The following HENMT1 variants were observed in gnomAD, a reference collection of about 807,000 sequenced individuals.
HENMT1 encodes small RNA 2'-O-methyltransferase.
Under a neutral mutation model 31.1 loss-of-function variants are expected in HENMT1, and 27 were observed. That is an observed-to-expected ratio of 0.87 (90% CI 0.64 to 1.20). The LOEUF is 1.20. Among genes scored for constraint, HENMT1 ranks in the 50% most tolerant of loss-of-function variants. HENMT1 has a pLI of 0.00. For synonymous variants in HENMT1, 167 were observed against 172.2 expected (o/e 0.97, Z 0.24); for missense variants, 438 against 469.6 (o/e 0.93, Z 0.62).
intron 5 of HENMT1, among the ~76,000 whole-genome samples, chr1:108,652,779 C>T (rs1005536172): frequency 6.6e-6 from 1 of 151,980 alleles, no homozygotes; most frequent in African/African-American, 2.4e-5. Flanking sequence ...CCCATCTCTA[C>T]TAAAAATACA....
chr1:108,660,902 C>A (rs921912159), intron 1 of HENMT1, 61 bp downstream of exon 1: 4 of 818,780 alleles, frequency 4.9e-6, no homozygotes, highest in East Asian at 1.3e-4. Context: ...CCAGCCTGGG[C>A]GACAGAGCGA....
intron 5 of HENMT1, among the ~76,000 whole-genome samples, chr1:108,654,437 G>A (rs953893375): frequency 1.3e-4 from 20 of 152,174 alleles, no homozygotes; most frequent in African/African-American, 4.8e-4. Flanking sequence ...GAACAGGAGA[G>A]GGAGGGTGCA....
At chr1:108,651,395 A>G in intron 5 of HENMT1, 186 bp from the exon 6 acceptor site, 1 of 569,108 alleles carries the variant, frequency 1.8e-6, no homozygotes, top group South Asian at 2.3e-5. Flanking sequence ...CTGTAATCCC[A>G]ACACTTTGGG....
intron 3 of HENMT1, 150 bp from the exon 4 acceptor site, chr1:108,655,848 T>TACACACAC (rs61122468): frequency 0.02 from 4,645 of 233,814 alleles, 105 homozygotes; most frequent in African/African-American, 0.044. Context: ...CAGAAGATGC[T>TACACACAC]ACACACACAC....
At chr1:108,658,116 CACAT>C (rs1658319539) in intron 2 of HENMT1, among the ~76,000 whole-genome samples, 3 of 145,770 alleles carry the variant, frequency 2.1e-5, no homozygotes, top group African/African-American at 8.2e-5. Context: ...CACACACACA[CACAT>C]ATATATATAT....
chr1:108,652,392 A>G (rs1251264052), intron 5 of HENMT1, among the ~76,000 whole-genome samples: 1 of 152,262 alleles, frequency 6.6e-6, no homozygotes, highest in Non-Finnish European at 1.5e-5. Flanking sequence ...ATACACGTAG[A>G]AAGTTATATT....
chr1:108,652,922 C>G (rs1355582378), intron 5 of HENMT1, among the ~76,000 whole-genome samples: 1 of 151,858 alleles, frequency 6.6e-6, no homozygotes. Flanking sequence ...CCAGCCCAGG[C>G]AACAGTGTTT....
chr1:108,651,249 T>C, intron 5 of HENMT1, 40 bp from the exon 6 acceptor site: 2 of 1,504,542 alleles, frequency 1.3e-6, no homozygotes, highest in Non-Finnish European at 1.8e-6. Flanking sequence ...AAATCTAGCT[T>C]CACTTGCACC....
At chr1:108,649,197 C>T (rs981607387) in intron 7 of HENMT1, 3 of 633,022 alleles carry the variant, frequency 4.7e-6, no homozygotes, top group Non-Finnish European at 8.5e-6. Flanking sequence ...CTTTCTAATG[C>T]TAATGCCCAA....
chr1:108,655,789 T>G, intron 3 of HENMT1, 91 bp from the exon 4 acceptor site: 1 of 655,216 alleles, frequency 1.5e-6, no homozygotes, highest in Non-Finnish European at 2.7e-6. Flanking sequence ...GAGTGGAGTA[T>G]ATATCAGTAA....
intron 3 of HENMT1, 152 bp from the exon 4 acceptor site, chr1:108,655,850 C>T (rs1299667857): frequency 3.7e-5 from 3 of 81,182 alleles, no homozygotes; most frequent in East Asian, 7.6e-4. Context: ...GAAGATGCTA[C>T]ACACACACAC....
chr1:108,659,982 G>A lies in HENMT1; in HGVS notation c.-78-20C>T. ...ACTCAGCTGTAATAAATACAAAACC[G>A]TTTTTGTAAAGCGATACCTGAAAGA... On this transcript the variant is annotated intron_variant, in intron 1 of 7. Transcript: ENST00000651461. 2.2e-6 allele frequency: 3 copies of A among 1,394,416 alleles called. No homozygotes were observed. The highest frequency in any genetic ancestry group is 2.8e-6 in the Non-Finnish European group (3 of 1,053,384). The allele number at this position is 1,394,416 out of a possible 1,614,324, so 86.4% of individuals were successfully genotyped here.
At position 108,657,555 on chromosome 1, in the gene HENMT1, A is replaced by C. The variant is rs1658284434; in HGVS notation, c.46T>G (p.Phe16Val). 6.2e-7 allele frequency: 1 copy of C among 1,613,794 alleles called. No individual in the cohort carries two copies. The highest frequency in any genetic ancestry group is 1.1e-5 in the South Asian group (1 of 91,072). Reference protein sequence around the residue: ...LQCSSVVDGNFEEVPRETAIQ... With the variant: ...LQCSSVVDGNVEEVPRETAIQ... ...GCCGTCTCCCTGGGAACTTCTTCAA[A>C]ATTACCGTCAACCACACTACTGCAC... The change falls in exon 3 of 8, where the codon TTT (phenylalanine) becomes GTT (valine). Residue 16 changes from phenylalanine to valine, a missense_variant. Coordinates refer to ENST00000651461, the MANE Select transcript of HENMT1 (RefSeq NM_001102592.2).
chr1:108,657,621 A>G (rs1392744442), intron 2 of HENMT1, 42 bp from the exon 3 acceptor site: 1 of 1,574,282 alleles, frequency 6.4e-7, no homozygotes. Flanking sequence ...TAAATCATGC[A>G]TGACTTCAGA....
At position 108,651,102 on chromosome 1, in the gene HENMT1, G is replaced by A. The variant is rs760391142; in HGVS notation, c.506C>T (p.Pro169Leu). ...TCTTAAGGTCACTGATGGAAACAGG[G>A]GATTGAATTCAGAGTTTGGTGTGCT... is the stretch of plus-strand genomic sequence containing the variant. Reference protein sequence around the residue: ...VISTPNSEFNPLFPSVTLRDS... With the variant: ...VISTPNSEFNLLFPSVTLRDS... The change falls in exon 6 of 8, where the codon CCC (proline) becomes CTC (leucine). Residue 169 changes from proline to leucine, a missense_variant. By Grantham distance (98) the Pro-to-Leu change is moderately conservative (BLOSUM62 -3). Coordinates refer to ENST00000651461, the MANE Select transcript of HENMT1 (RefSeq NM_001102592.2). The A allele has an allele frequency of 1.9e-6, 3 of 1,613,630 alleles. No homozygotes were observed. The highest frequency in any genetic ancestry group is 2.2e-5 in the South Asian group (2 of 91,058).
At chr1:108,660,598 G>T (rs755951945) in intron 1 of HENMT1, among the ~76,000 whole-genome samples, 4 of 152,172 alleles carry the variant, frequency 2.6e-5, no homozygotes, top group Non-Finnish European at 5.9e-5. Context: ...CTTTAATCTG[G>T]AATCTAGGCA....
chr1:108,648,517 T>C lies in HENMT1; in HGVS notation c.*49A>G, dbSNP rs1657941973. On this transcript the variant is annotated 3_prime_UTR_variant, in exon 8 of 8. Transcript: ENST00000651461. The stretch of plus-strand genomic sequence containing the variant: ...TACACAAAAAAAACTAAATTCTAAG[T>C]GAGCACAACTATCGCTGAGACCCTG... 2 of 1,489,276 alleles carry C rather than the reference T, an allele frequency of 1.3e-6. No homozygotes were observed. The highest frequency in any genetic ancestry group is 1.8e-6 in the Non-Finnish European group (2 of 1,093,144). The allele number at this position is 1,489,276 out of a possible 1,614,324, so 92.3% of individuals were successfully genotyped here.
At chr1:108,650,169 T>C (rs1245782164) in intron 7 of HENMT1, 42 bp downstream of exon 7, 1 of 1,582,228 alleles carries the variant, frequency 6.3e-7, no homozygotes, top group Non-Finnish European at 8.7e-7. Flanking sequence ...ACCATCCTAA[T>C]GTATCTCTAG....
At chr1:108,649,401 G>A (rs1348168818) in intron 7 of HENMT1, 4 of 457,348 alleles carry the variant, frequency 8.7e-6, no homozygotes, top group Admixed American at 2.4e-5. Context: ...GGAAGTTCAA[G>A]ACCAGCCTGG....
Sources: gnomAD v4.1 joint callset for allele counts (sites outside exome capture counted in the v4.1 genomes callset) on GRCh38, gnomAD v4.1.1 for gene constraint, MANE v1.5 for transcripts, NCBI Gene and HGNC (gene_info 2026-07-23, HGNC 2026-07-21) for gene names.